CACNA1D: variants seen among roughly 807,000 people sequenced by gnomAD.
CACNA1D encodes the protein calcium voltage-gated channel subunit alpha1 D.
Under a neutral mutation model 257.1 loss-of-function variants are expected in CACNA1D, and 55 were observed. That is an observed-to-expected ratio of 0.21 (90% confidence interval 0.17 to 0.27). The LOEUF (loss-of-function observed/expected upper bound fraction) is 0.27, where lower values mean the gene tolerates loss of function less well. Among genes scored for constraint, CACNA1D ranks in the 10% least tolerant of loss-of-function variants. The pLI is 1.00. For missense variants in CACNA1D, 1,876 were observed against 2,784.0 expected (o/e 0.67, Z 7.34); for synonymous variants, 980 against 1,014.9 (o/e 0.97, Z 0.65).
intron 8 of CACNA1D, among the ~76,000 whole-genome samples, chr3:53,697,829 A>G (rs2094585909): frequency 6.6e-6 from 1 of 152,192 alleles, no homozygotes; most frequent in South Asian, 2.1e-4. Context: ...CTTATGACAT[A>G]TCTCCATAAT....
intron 45 of CACNA1D, among the ~76,000 whole-genome samples, chr3:53,805,925 A>C (rs1468351869): frequency 4.8e-4 from 17 of 35,494 alleles, no homozygotes; most frequent in Admixed American, 7.9e-4. Context: ...CTGCTCCCTC[A>C]TCTTCCCTCC....
chr3:53,548,373 A>ATTTT (rs1278474628), intron 3 of CACNA1D, among the ~76,000 whole-genome samples: 1,568 of 127,354 alleles, frequency 0.012, 27 homozygotes, highest in Middle Eastern at 0.032. Context: ...TTTTTTTTTA[A>ATTTT]AAATTATCTT....
chr3:53,519,653 T>C (rs930737842), intron 3 of CACNA1D, among the ~76,000 whole-genome samples: 4 of 152,202 alleles, frequency 2.6e-5, no homozygotes, highest in African/African-American at 9.7e-5. Context: ...GATTGAGATA[T>C]AATTCACACA....
chr3:53,800,933 G>A lies in CACNA1D; in HGVS notation c.5041-125G>A. 1.1e-6 allele frequency: 1 copy of A among 915,216 alleles called. No homozygotes were observed. Among genetic ancestry groups the A allele is most frequent in the Admixed American group, 1.7e-5 (1 of 58,152 alleles). The allele number at this position is 915,216 out of a possible 1,614,324, so 56.7% of individuals were successfully genotyped here. On this transcript the variant is annotated intron_variant, in intron 41 of 47. Coordinates refer to ENST00000350061, the MANE Select transcript of CACNA1D (RefSeq NM_001128840.3). This position sits in a 1 kb window ranked among gnomAD's most constrained non-coding sequence, Gnocchi z 4.3. ...CCCTGATCATTGAGACACTCAGATT[G>A]TTTTACAGGGATCCTACGGAGCTTG... is the stretch of plus-strand genomic sequence containing the variant.
At chr3:53,565,666 G>A (rs186449335) in intron 3 of CACNA1D, among the ~76,000 whole-genome samples, 3 of 152,298 alleles carry the variant, frequency 2.0e-5, no homozygotes, top group Admixed American at 1.3e-4. Flanking sequence ...ACCTTGTGTA[G>A]TATGATTTAT....
rs963310520 is a variant in CACNA1D at position 53,740,357 on chromosome 3, A to G, written c.2811+18A>G. On this transcript the variant is annotated intron_variant, in intron 21 of 47. Transcript: ENST00000350061. ...TGTTGAAGGTAATGAATTTTCCTTGATCTTCACATACTCCACAGCAGCTGG... is the reference window on the plus strand; with the variant it reads ...TGTTGAAGGTAATGAATTTTCCTTGGTCTTCACATACTCCACAGCAGCTGG... 1 of 1,540,050 alleles carries G rather than the reference A, an allele frequency of 6.5e-7. No individual in the cohort carries two copies. The highest frequency in any genetic ancestry group is 9.0e-7 in the Non-Finnish European group (1 of 1,112,576).
chr3:53,691,828 A>G (rs1374489274), intron 8 of CACNA1D, among the ~76,000 whole-genome samples: 2 of 102,262 alleles, frequency 2.0e-5, no homozygotes, highest in East Asian at 2.8e-4. Context: ...TATTATATCT[A>G]TAATATATAT....
At chr3:53,769,666 G>C (rs576344012) in intron 30 of CACNA1D, among the ~76,000 whole-genome samples, 3 of 152,334 alleles carry the variant, frequency 2.0e-5, no homozygotes, top group Admixed American at 6.5e-5. Flanking sequence ...GCCTCCTCGC[G>C]AGAAGCGGGG....
At chr3:53,754,504 A>C (rs2095249834) in intron 29 of CACNA1D, among the ~76,000 whole-genome samples, 1 of 152,228 alleles carries the variant, frequency 6.6e-6, no homozygotes, top group Non-Finnish European at 1.5e-5. Context: ...TGTCATGAGG[A>C]GTAAAGAGTT....
intron 3 of CACNA1D, among the ~76,000 whole-genome samples, chr3:53,643,136 G>T (rs898123388): frequency 6.6e-6 from 1 of 152,192 alleles, no homozygotes; most frequent in Non-Finnish European, 1.5e-5. Flanking sequence ...CACATAAAAT[G>T]TGTACTTTTA....
intron 39 of CACNA1D, among the ~76,000 whole-genome samples, chr3:53,785,275 C>T (rs543354200): frequency 1.0e-3 from 152 of 150,598 alleles, no homozygotes; most frequent in Non-Finnish European, 1.8e-3. Flanking sequence ...TTACATGCTA[C>T]TCAGAGTCTT....
intron 4 of CACNA1D, 54 bp from the exon 5 acceptor site, chr3:53,660,079 T>G (rs1308341917): frequency 6.6e-7 from 1 of 1,518,996 alleles, no homozygotes; most frequent in Non-Finnish European, 9.1e-7. Flanking sequence ...TCATCCTGTT[T>G]TGCGTCCCTG....
chr3:53,668,499 C>A (rs1340742895), intron 7 of CACNA1D, among the ~76,000 whole-genome samples: 2 of 152,190 alleles, frequency 1.3e-5, no homozygotes, highest in African/African-American at 4.8e-5. Flanking sequence ...ATAAATTACA[C>A]AGCATCTTTA....
At chr3:53,752,029 C>G in intron 28 of CACNA1D, 122 bp downstream of exon 28, 1 of 958,208 alleles carries the variant, frequency 1.0e-6, no homozygotes, top group Non-Finnish European at 1.7e-6. Flanking sequence ...TGAGTCTGGG[C>G]TATAGGTTGG....
chr3:53,650,137 G>A (rs538727391), intron 3 of CACNA1D, among the ~76,000 whole-genome samples: 6 of 152,344 alleles, frequency 3.9e-5, no homozygotes, highest in African/African-American at 9.6e-5. Context: ...AAGTTCAGCC[G>A]GGAGAGGCGG....
At chr3:53,568,137 G>T (rs1207435360) in intron 3 of CACNA1D, among the ~76,000 whole-genome samples, 4 of 152,124 alleles carry the variant, frequency 2.6e-5, no homozygotes, top group Non-Finnish European at 4.4e-5. Flanking sequence ...GAAGATGGGA[G>T]GGTAGCATTG....
At chr3:53,668,784 T>G (rs2094294420) in intron 7 of CACNA1D, among the ~76,000 whole-genome samples, 1 of 152,222 alleles carries the variant, frequency 6.6e-6, no homozygotes, top group South Asian at 2.1e-4. Flanking sequence ...CCATGGGCAA[T>G]ACATAAGCAA....
In CACNA1D at chr3:53,811,470, G is replaced by A; in HGVS notation, c.*64G>A. 3 of 1,392,300 alleles carry A rather than the reference G, an allele frequency of 2.2e-6. No individual in the cohort carries two copies. Among genetic ancestry groups the A allele is most frequent in the Non-Finnish European group, 2.9e-6 (3 of 1,038,474 alleles). 86.2% of individuals were successfully genotyped at this position (1,392,300 alleles called of 1,614,324 possible). A position where few individuals can be genotyped will look rare whatever the true frequency, so the allele number is the denominator to read the frequency against. ...GGCGCAGGAGAGCCAGGGGAAAAGT[G>A]CCTCATAGTTAGGAAAGTTTAGGCA... On this transcript the variant is annotated 3_prime_UTR_variant, in exon 48 of 48. Coordinates refer to ENST00000350061, the MANE Select transcript of CACNA1D (RefSeq NM_001128840.3). The surrounding 1 kb of genome is among the most constrained non-coding windows in gnomAD (Gnocchi z 4.2).
At chr3:53,518,462 T>C (rs779517588) in intron 3 of CACNA1D, among the ~76,000 whole-genome samples, 15 of 152,134 alleles carry the variant, frequency 9.9e-5, no homozygotes, top group Non-Finnish European at 1.9e-4. Context: ...TCCGGTGGTC[T>C]CTCTTTCCAA....
Sources: gnomAD v4.1 joint callset for allele counts (sites outside exome capture counted in the v4.1 genomes callset) on GRCh38, gnomAD v4.1.1 for gene constraint, Gnocchi (gnomAD v3.1) non-coding constraint, MANE v1.5 for transcripts, NCBI Gene and HGNC (gene_info 2026-07-23, HGNC 2026-07-21) for gene names.